The following SDK1 variants were observed in gnomAD, a reference collection of about 807,000 sequenced individuals.
The protein encoded by SDK1 is protein sidekick-1.
SDK1 carries 157 observed loss-of-function variants against 245.5 expected under a neutral mutation model. That is an observed-to-expected ratio of 0.64 (90% CI 0.56 to 0.73). The LOEUF is 0.73. SDK1 is among the 30% of genes least tolerant of loss of function. The pLI is 0.00. For missense variants in SDK1, 3,583 were observed against 3,002.3 expected (o/e 1.19, Z -4.52); for synonymous variants, 1,647 against 1,278.5 (o/e 1.29, Z -6.15).
intron 38 of SDK1, among the ~76,000 whole-genome samples, chr7:4,211,090 G>A (rs182366198): frequency 6.6e-6 from 1 of 152,254 alleles, no homozygotes; most frequent in Non-Finnish European, 1.5e-5. Flanking sequence ...ACTGGAGAGT[G>A]ACACAGGAGC....
At chr7:3,685,257 G>A (rs912365541) in intron 4 of SDK1, among the ~76,000 whole-genome samples, 1 of 151,868 alleles carries the variant, frequency 6.6e-6, no homozygotes, top group Non-Finnish European at 1.5e-5. Flanking sequence ...ATAAGGGCAG[G>A]TGAAAATGAC....
rs1282543734 is a variant in SDK1 at position 4,183,573 on chromosome 7, A to G, written c.5098+4987A>G. Among the ~76,000 whole-genome samples the G allele has an allele frequency of 2.0e-5, 3 of 150,924 alleles. No homozygotes were observed. In the Admixed American group the frequency reaches 2.0e-4, roughly 10 times the overall value. On this transcript the variant is annotated intron_variant, in intron 35 of 44. Transcript: ENST00000404826. ...TCGCTTGAACCGGAACCCGGGAGGC[A>G]GAGGTTGCAGTAAGCCAAAATCGCA...
At chr7:4,165,848 G>A (rs781243740) in intron 32 of SDK1, among the ~76,000 whole-genome samples, 18 of 151,810 alleles carry the variant, frequency 1.2e-4, no homozygotes, top group Non-Finnish European at 2.1e-4. Context: ...GTGCAGTGGC[G>A]CAATCATAGC....
intron 5 of SDK1, among the ~76,000 whole-genome samples, chr7:3,894,161 T>C (rs1392518865): frequency 6.6e-6 from 1 of 152,200 alleles, no homozygotes; most frequent in Non-Finnish European, 1.5e-5. Context: ...AAAATATATA[T>C]ATCATAAATA....
intron 1 of SDK1, among the ~76,000 whole-genome samples, chr7:3,607,771 A>C (rs1199326013): frequency 2.0e-5 from 3 of 152,232 alleles, no homozygotes; most frequent in Non-Finnish European, 4.4e-5. Context: ...AGGAAGATGC[A>C]ATTTCATTCT....
intron 1 of SDK1, among the ~76,000 whole-genome samples, chr7:3,573,761 A>C (rs1243598209): frequency 6.6e-6 from 1 of 152,026 alleles, no homozygotes; most frequent in Non-Finnish European, 1.5e-5. Context: ...TGGCCACATA[A>C]CATTGTGATT....
At chr7:4,066,157 G>T (rs540114917) in intron 19 of SDK1, among the ~76,000 whole-genome samples, 1 of 152,014 alleles carries the variant, frequency 6.6e-6, no homozygotes, top group South Asian at 2.1e-4. Context: ...CTTTTCCCCG[G>T]TTCTGCCTTT....
At chr7:3,719,128 G>C (rs1307283547) in intron 4 of SDK1, among the ~76,000 whole-genome samples, 1 of 151,928 alleles carries the variant, frequency 6.6e-6, no homozygotes, top group Non-Finnish European at 1.5e-5. Context: ...TATTTCATTT[G>C]GGGATAAATC....
chr7:3,350,558 T>C (rs953832284), intron 1 of SDK1, among the ~76,000 whole-genome samples: 11 of 152,224 alleles, frequency 7.2e-5, no homozygotes, highest in African/African-American at 2.7e-4. Context: ...CTTTTTATAA[T>C]TGATTGTCTT....
intron 2 of SDK1, among the ~76,000 whole-genome samples, chr7:3,625,942 C>CTTT (rs3086084): frequency 0.28 from 36,898 of 129,474 alleles, 5,595 homozygotes; most frequent in Non-Finnish European, 0.33. Flanking sequence ...TCTTTTCTTT[C>CTTT]TTTTTTTTTT....
At chr7:3,430,737 T>G (rs1023488940) in intron 1 of SDK1, among the ~76,000 whole-genome samples, 3 of 152,182 alleles carry the variant, frequency 2.0e-5, no homozygotes, top group Non-Finnish European at 2.9e-5. Flanking sequence ...CTATCTCTAG[T>G]AGGAATGTCT....
intron 1 of SDK1, among the ~76,000 whole-genome samples, chr7:3,495,010 C>G (rs1781981225): frequency 1.3e-5 from 2 of 152,070 alleles, no homozygotes; most frequent in Admixed American, 6.5e-5. Context: ...AACCATAAAC[C>G]TGGTGTTGAT....
At chr7:3,581,810 G>C (rs1780506183) in intron 1 of SDK1, among the ~76,000 whole-genome samples, 1 of 152,220 alleles carries the variant, frequency 6.6e-6, no homozygotes, top group Non-Finnish European at 1.5e-5. Flanking sequence ...AGAATACTAT[G>C]CGGCCATGAA....
intron 14 of SDK1, among the ~76,000 whole-genome samples, chr7:3,989,923 C>T (rs1784167516): frequency 6.6e-6 from 1 of 152,178 alleles, no homozygotes; most frequent in Middle Eastern, 3.2e-3. Context: ...TGTCAACTGC[C>T]CAGGGTCACA....
chr7:4,150,323 G>A (rs1279892300), intron 30 of SDK1, among the ~76,000 whole-genome samples: 3 of 152,200 alleles, frequency 2.0e-5, no homozygotes, highest in Non-Finnish European at 2.9e-5. Context: ...CACACTCCAG[G>A]CTGTGGAGCG....
At chr7:4,053,227 G>A (rs918150085) in intron 19 of SDK1, among the ~76,000 whole-genome samples, 4 of 151,750 alleles carry the variant, frequency 2.6e-5, no homozygotes, top group African/African-American at 9.7e-5. Context: ...GCTCCACCCC[G>A]TGCTGCTCCC....
At chr7:3,762,174 C>G (rs887799294) in intron 4 of SDK1, among the ~76,000 whole-genome samples, 6 of 152,330 alleles carry the variant, frequency 3.9e-5, no homozygotes, top group Admixed American at 3.9e-4. Context: ...ACTCCTACAA[C>G]AATCCTTTCA....
intron 1 of SDK1, among the ~76,000 whole-genome samples, chr7:3,486,854 G>C (rs1318048925): frequency 6.6e-6 from 1 of 151,714 alleles, no homozygotes; most frequent in Non-Finnish European, 1.5e-5. Context: ...TTGATAAGAG[G>C]GTGCATTACT....
intron 1 of SDK1, among the ~76,000 whole-genome samples, chr7:3,308,497 A>G (rs1375166935): frequency 1.3e-5 from 2 of 152,162 alleles, no homozygotes; most frequent in Non-Finnish European, 2.9e-5. Flanking sequence ...TATACAGACA[A>G]TGTCTAGTGA....
Sources: gnomAD v4.1 joint callset for allele counts (sites outside exome capture counted in the v4.1 genomes callset) on GRCh38, gnomAD v4.1.1 for gene constraint, MANE v1.5 for transcripts, NCBI Gene and HGNC (gene_info 2026-07-23, HGNC 2026-07-21) for gene names.